The following SRGAP3 variants were observed in gnomAD, a reference collection of about 807,000 sequenced individuals.
The protein encoded by SRGAP3 is SLIT-ROBO Rho GTPase activating protein 3, also known as SLIT-ROBO Rho GTPase-activating protein 3.
In SRGAP3, 39 loss-of-function variants were observed where a neutral mutation model predicts 121.1. The observed-to-expected ratio is 0.32, with a 90% CI of 0.25 to 0.42. SRGAP3 has a LOEUF of 0.42. SRGAP3 is among the 10% of genes least tolerant of loss of function. The pLI is 1.00. For missense variants in SRGAP3, 1,213 were observed against 1,470.6 expected (o/e 0.82, Z 2.86); for synonymous variants, 601 against 570.0 (o/e 1.05, Z -0.77).
At chr3:9,310,061 T>C (rs1955217132) in intron 3 of SRGAP3, among the ~76,000 whole-genome samples, 1 of 152,174 alleles carries the variant, frequency 6.6e-6, no homozygotes, top group Non-Finnish European at 1.5e-5. Flanking sequence ...CATAGCATGT[T>C]TGATCCCTTT....
chr3:9,046,270 G>A (rs1945272790), intron 10 of SRGAP3, among the ~76,000 whole-genome samples: 2 of 152,244 alleles, frequency 1.3e-5, no homozygotes, highest in Non-Finnish European at 2.9e-5. Flanking sequence ...ACAGAAATCA[G>A]ATCAGAGTAG....
chr3:9,332,305 G>A (rs1955622006), intron 1 of SRGAP3, among the ~76,000 whole-genome samples: 1 of 152,020 alleles, frequency 6.6e-6, no homozygotes, highest in Non-Finnish European at 1.5e-5. Context: ...TTTTTAGTAG[G>A]GACAGGGTTT....
intron 12 of SRGAP3, among the ~76,000 whole-genome samples, chr3:9,032,313 T>C (rs2125091434): frequency 6.6e-6 from 1 of 152,362 alleles, no homozygotes; most frequent in South Asian, 2.1e-4. Flanking sequence ...GGGGTTTCTC[T>C]GACTGTCCCT....
Position 9,124,832 on chromosome 3 carries a change from C to A in SRGAP3, c.153G>T (p.Glu51Asp), listed in dbSNP as rs765422549. 1 of 1,614,246 alleles carries A rather than the reference C, an allele frequency of 6.2e-7. No homozygotes were observed. Among genetic ancestry groups the A allele is most frequent in the East Asian group, 2.2e-5 (1 of 44,878 alleles). ...CAATCTCAGCTTTCCGGCGGAAAAA[C>A]TCCTGGAGGTCTTGAAGCAGCTGCA... ...SRLQLLQDLQEFFRRKAEIEL... is the reference protein window; with the variant it reads ...SRLQLLQDLQDFFRRKAEIEL... The change falls in exon 2 of 22, where the codon GAG (glutamate) becomes GAT (aspartate). Residue 51 changes from glutamate to aspartate, a missense_variant. Physicochemically the swap from Glu to Asp is conservative, Grantham distance 45 (BLOSUM62 2). This residue lies in a region of SRGAP3 where 793 missense variants were observed against 1,032.9 expected (regional missense o/e 0.77). Transcript: ENST00000383836.
chr3:9,083,639 C>T (rs934231631), intron 3 of SRGAP3, among the ~76,000 whole-genome samples: 1 of 152,232 alleles, frequency 6.6e-6, no homozygotes, highest in African/African-American at 2.4e-5. Context: ...TGGATATTTA[C>T]ATTGCCTCCA....
Position 8,993,034 on chromosome 3 carries a change from G to A in SRGAP3, c.2430C>T (p.Ser810=). The change falls in exon 20 of 22, where the codon AGC becomes AGT. Residue 810 remains serine (S), a synonymous_variant. Coordinates refer to ENST00000383836, the MANE Select transcript of SRGAP3 (RefSeq NM_014850.4). ...CCTCGCTGTCAGCCTTCTGGCTCAG[G>A]CTGTCGGAGAAGGCATCATCCCTGG... ...VQDMDDAFSD[S]LSQKADSEAS... is the part of the protein sequence containing the mutation. The A allele has an allele frequency of 6.2e-7, 1 of 1,614,170 alleles. No individual in the cohort carries two copies. The highest frequency in any genetic ancestry group is 1.1e-5 in the South Asian group (1 of 91,092).
intron 12 of SRGAP3, 63 bp downstream of exon 12, chr3:9,032,587 G>A: frequency 6.9e-7 from 1 of 1,453,804 alleles, no homozygotes. Flanking sequence ...CAGGGAGGCG[G>A]GCGGACAGAG....
At chr3:8,986,038 G>A in intron 21 of SRGAP3, 106 bp from the exon 22 acceptor site, 2 of 1,566,422 alleles carry the variant, frequency 1.3e-6, no homozygotes, top group East Asian at 2.3e-5. Flanking sequence ...CAGAAGCCTC[G>A]CGGCAGGGAT....
chr3:9,126,618 A>AAACTAACT (rs71049772), intron 1 of SRGAP3, among the ~76,000 whole-genome samples: 4 of 150,758 alleles, frequency 2.7e-5, no homozygotes, highest in South Asian at 2.1e-4. Flanking sequence ...CCTGTCTCAA[A>AAACTAACT]AACTAACTAA....
intron 1 of SRGAP3, among the ~76,000 whole-genome samples, chr3:9,245,056 A>C (rs1313066012): frequency 6.6e-6 from 1 of 152,246 alleles, no homozygotes; most frequent in African/African-American, 2.4e-5. Context: ...AGAGAACCAC[A>C]TTTAGAACTC....
intron 12 of SRGAP3, 100 bp from the exon 13 acceptor site, chr3:9,027,095 A>G: frequency 9.4e-7 from 1 of 1,059,318 alleles, no homozygotes; most frequent in Non-Finnish European, 1.5e-6. Flanking sequence ...GAATATTAGT[A>G]CCATCAGATT....
In SRGAP3 at chr3:8,982,982, T is replaced by C. The variant is rs150557528; in HGVS notation, c.*2537A>G. 53 of 229,288 alleles carry C rather than the reference T, an allele frequency of 2.3e-4. No homozygotes were observed. Among genetic ancestry groups the C allele is most frequent in the African/African-American group, 1.0e-3 (47 of 45,198 alleles). The allele number at this position is 229,288 out of a possible 1,614,324, so 14.2% of individuals were successfully genotyped here. On this transcript the variant is annotated 3_prime_UTR_variant, in exon 22 of 22. Coordinates refer to ENST00000383836, the MANE Select transcript of SRGAP3 (RefSeq NM_014850.4). Reference sequence around the variant, plus strand: ...AATCCACACGGTCTGATTGGTGTTATGTATATCAGGCAACAGATTTTTCTA... The same window carrying C: ...AATCCACACGGTCTGATTGGTGTTACGTATATCAGGCAACAGATTTTTCTA...
intron 1 of SRGAP3, among the ~76,000 whole-genome samples, chr3:9,157,890 A>C (rs931326120): frequency 6.6e-6 from 1 of 152,268 alleles, no homozygotes; most frequent in Non-Finnish European, 1.5e-5. Context: ...AAAAGTTTTC[A>C]GCTCGAGGGA....
chr3:9,096,238 T>C (rs1575067598), intron 3 of SRGAP3, among the ~76,000 whole-genome samples: 1 of 152,358 alleles, frequency 6.6e-6, no homozygotes, highest in African/African-American at 2.4e-5. Flanking sequence ...GAATAATTTG[T>C]AGTCAAAGAA....
At chr3:9,025,045 G>C (rs1311157139) in intron 14 of SRGAP3, among the ~76,000 whole-genome samples, 2 of 152,178 alleles carry the variant, frequency 1.3e-5, no homozygotes, top group Non-Finnish European at 2.9e-5. Flanking sequence ...TTAGAACTTA[G>C]TGTTAGCCAA....
chr3:9,178,212 G>A (rs1951248687), intron 1 of SRGAP3, among the ~76,000 whole-genome samples: 1 of 152,132 alleles, frequency 6.6e-6, no homozygotes, highest in African/African-American at 2.4e-5. Flanking sequence ...AGGTTGCAGT[G>A]AGCTGAGATC....
chr3:9,283,047 TCTCCCGCCTCAGC>T (rs1175457847), intron 3 of SRGAP3, among the ~76,000 whole-genome samples: 6 of 151,930 alleles, frequency 3.9e-5, no homozygotes, highest in Non-Finnish European at 1.5e-5. Flanking sequence ...TTCAAGCGAT[TCTCCCGCCTCAGC>T]CTCCCAAGTA....
At chr3:9,355,050 GTACT>G (rs1194315362) in intron 1 of SRGAP3, among the ~76,000 whole-genome samples, 1 of 152,106 alleles carries the variant, frequency 6.6e-6, no homozygotes, top group Non-Finnish European at 1.5e-5. Flanking sequence ...GTGCCCACTT[GTACT>G]TACTTTGTGA....
intron 2 of SRGAP3, among the ~76,000 whole-genome samples, chr3:9,120,615 T>A (rs1575103726): frequency 6.6e-6 from 1 of 152,282 alleles, no homozygotes; most frequent in South Asian, 2.1e-4. Context: ...TGGGTCCTCG[T>A]TAAAGTAAGC....
Sources: allele counts gnomAD v4.1 joint callset (sites outside exome capture counted in the v4.1 genomes callset), GRCh38; gene constraint gnomAD v4.1.1; regional missense constraint gnomAD v4.1.1; transcripts MANE v1.5; gene names NCBI Gene and HGNC (gene_info 2026-07-23, HGNC 2026-07-21).